Variants in OBSL1 observed in about 807,000 individuals in gnomAD.
OBSL1 encodes obscurin-like protein 1.
A neutral mutation model predicts 172.0 loss-of-function variants in OBSL1; 160 were observed. The observed-to-expected ratio is 0.93, with a 90% confidence interval of 0.82 to 1.06. The LOEUF is 1.06. Among genes scored for constraint, OBSL1 ranks in the 50% least tolerant of loss-of-function variants. The pLI, the probability that OBSL1 is intolerant of heterozygous loss-of-function variation, is 0.00. For missense variants in OBSL1, 2,681 were observed against 2,715.4 expected (o/e 0.99, Z 0.28); for synonymous variants, 1,200 against 1,196.3 (o/e 1.00, Z -0.06).
In OBSL1 at chr2:219,570,414, G is replaced by T. The variant is rs769427156; in HGVS notation, c.819C>A (p.Pro273=). The T allele has an allele frequency of 1.2e-6, 2 of 1,613,266 alleles. No individual in the cohort carries two copies. The highest frequency in any genetic ancestry group is 1.7e-5 in the Admixed American group (1 of 60,020). Residue 273 remains proline (P), a synonymous_variant, in exon 1 of 21, where the codon CCC becomes CCA. Coordinates refer to ENST00000404537, the MANE Select transcript of OBSL1 (RefSeq NM_015311.3). ...AKFRCYVMGK[P]EPEIEWHWEG... ...CCCAGTGCCATTCGATCTCGGGCTC[G>T]GGCTTGCCCATCACGTAGCAGCGGA...
downstream of OBSL1, chr2:219,549,859 A>G (rs761770232): frequency 4.3e-6 from 7 of 1,613,386 alleles, no homozygotes; most frequent in Non-Finnish European, 5.9e-6. Context: ...GTATAGCCAT[A>G]TCTGTCTGTC....
At position 219,570,358 on chromosome 2, in the gene OBSL1, C is replaced by T. The variant is rs1186900128; in HGVS notation, c.875G>A (p.Arg292His). 6.2e-7 allele frequency: 1 copy of T among 1,612,866 alleles called. No homozygotes were observed. The highest frequency in any genetic ancestry group is 8.5e-7 in the Non-Finnish European group (1 of 1,179,534). The change falls in exon 1 of 21, where the codon CGC (arginine) becomes CAC (histidine). Residue 292 changes from arginine (R) to histidine (H), a missense_variant. This residue lies in a region of OBSL1 where 706 missense variants were observed against 695.8 expected (regional missense o/e 1.01). Transcript: ENST00000404537. ...EGRPLLPDRR[R>H]LMYRDRDGGF... ...GCCGTCGCGGTCGCGGTACATGAGG[C>T]GGCGGCGGTCCGGGAGCAGCGGGCG...
At chr2:219,549,956 A>G, downstream of OBSL1, 1 of 1,467,386 alleles carries the variant, frequency 6.8e-7, no homozygotes, top group Non-Finnish European at 9.3e-7. Context: ...CCCTCTCCCC[A>G]GCCTGGAGAG....
intron 8 of OBSL1, among the ~76,000 whole-genome samples, chr2:219,560,552 T>C (rs1273384371): frequency 6.7e-6 from 1 of 148,522 alleles, no homozygotes; most frequent in Non-Finnish European, 1.5e-5. Context: ...TCCATTAGCC[T>C]CTGGCCCCCT....
rs371718828 is a variant in OBSL1, at chr2:219,556,019, C to G, written c.4609+1G>C. 2.5e-6 allele frequency: 4 copies of G among 1,613,168 alleles called. No homozygotes were observed. Among genetic ancestry groups the G allele is most frequent in the Non-Finnish European group, 3.4e-6 (4 of 1,179,800 alleles). On this transcript the variant is annotated splice_donor_variant, in intron 14 of 20. Transcript: ENST00000404537. LOFTEE classifies it high-confidence loss of function. The stretch of plus-strand genomic sequence containing the variant: ...GCATTAAGAGAGGACGGGGCACTCA[C>G]GCCTCACGCTGAGCCTGGCCAGGGT...
Position 219,567,029 on chromosome 2 carries a change from AC to A in OBSL1, c.1934del (p.Gly645ValfsTer28). On this transcript the variant is annotated frameshift_variant, in exon 5 of 21. Coordinates refer to ENST00000404537, the MANE Select transcript of OBSL1 (RefSeq NM_015311.3). LOFTEE classifies it high-confidence loss of function. ...GCTCTTCCCCATTAAGGAACCAGGT[AC>A]CCTGGATGATGGTGGAGAGATCGAG... The part of the protein sequence containing the change: ...FSLDLSTIIQ[G>X]TWFLNGEELK... The A allele has an allele frequency of 6.2e-7, 1 of 1,613,486 alleles. No homozygotes were observed. Among genetic ancestry groups the A allele is most frequent in the South Asian group, 1.1e-5 (1 of 91,058 alleles).
At position 219,570,542 on chromosome 2, in the gene OBSL1, CG is replaced by C; in HGVS notation, c.690del (p.Glu231ArgfsTer27). 5 of 1,603,172 alleles carry C rather than the reference CG, an allele frequency of 3.1e-6. No homozygotes were observed. The highest frequency in any genetic ancestry group is 4.3e-6 in the Non-Finnish European group (5 of 1,175,990). ...TCGTCGGGGTCCGCGGGCGGGCTCT[CG>C]GGGGGCTGGTGCACCTGGAGCAGCG... is the stretch of plus-strand genomic sequence containing the variant. ...AGALLQVHQP[P>X]ESPPADPDEA... On this transcript the variant is annotated frameshift_variant, in exon 1 of 21. Coordinates refer to ENST00000404537, the MANE Select transcript of OBSL1 (RefSeq NM_015311.3). LOFTEE classifies it high-confidence loss of function.
chr2:219,568,119 A>G lies in OBSL1; in HGVS notation c.1218T>C (p.Asp406=), dbSNP rs1697057646. ...RLIIHRLKAD[D]DGIYLCEMRG... ...GCATCTCGCACAGGTAGATACCATC[A>G]TCGTCTGCCTTCAGCCTGTGGATGA... is the stretch of plus-strand genomic sequence containing the variant. The change falls in exon 2 of 21, where the codon GAT becomes GAC. Residue 406 remains aspartate, a synonymous_variant. Coordinates refer to ENST00000404537, the MANE Select transcript of OBSL1 (RefSeq NM_015311.3). The surrounding 1 kb of genome is among the most constrained non-coding windows in gnomAD (Gnocchi z 4.1). 1.2e-6 allele frequency: 2 copies of G among 1,613,688 alleles called. No homozygotes were observed. The highest frequency in any genetic ancestry group is 1.3e-5 in the African/African-American group (1 of 74,930).
At position 219,570,591 on chromosome 2, in the gene OBSL1, C is replaced by A; in HGVS notation, c.642G>T (p.Ala214=). Residue 214 remains alanine (A), a synonymous_variant, in exon 1 of 21, where the codon GCG becomes GCT. Transcript: ENST00000404537. ...GCGCCCCCGCCTGCGCGTGGCCGTG[C>A]GCGTTGCGGGCGTGGCACACGTAGA... ...SGVYVCHARN[A]HGHAQAGALL... 3.3e-6 allele frequency: 5 copies of A among 1,518,024 alleles called. No homozygotes were observed. The South Asian group carries it at 5.0e-5, about 15-fold the overall frequency. The allele number at this position is 1,518,024 out of a possible 1,614,324, so 94.0% of individuals were successfully genotyped here.
At position 219,558,410 on chromosome 2, in the gene OBSL1, A is replaced by T. The variant is rs1385090756; in HGVS notation, c.3276T>A (p.His1092Gln). Residue 1092 changes from histidine (H) to glutamine (Q), a missense_variant, in exon 10 of 21, where the codon CAT (histidine) becomes CAA (glutamine). His to Gln is a conservative substitution (Grantham distance 24). Around this residue, in one of 5 missense-constraint regions of OBSL1, gnomAD observed 1,765 missense variants for 1,748.3 expected, o/e 1.01. Transcript: ENST00000404537. ...VHPAARSLDL[H>Q]FGAPGRVELR... is the part of the protein sequence containing the mutation. ...GCTCCACGCGCCCTGGAGCCCCAAAATGCAGATCCAGGGAGCGGGCTGCCG... is the reference window on the plus strand; with the variant it reads ...GCTCCACGCGCCCTGGAGCCCCAAATTGCAGATCCAGGGAGCGGGCTGCCG... 38 of 1,602,454 alleles carry T rather than the reference A, an allele frequency of 2.4e-5. No individual in the cohort carries two copies. Among genetic ancestry groups the T allele is most frequent in the Non-Finnish European group, 3.1e-5 (37 of 1,175,824 alleles).
chr2:219,562,582 G>A lies in OBSL1; in HGVS notation c.2773C>T (p.Pro925Ser). 6.2e-7 allele frequency: 1 copy of A among 1,612,432 alleles called. No homozygotes were observed. The highest frequency in any genetic ancestry group is 8.5e-7 in the Non-Finnish European group (1 of 1,179,384). The change falls in exon 8 of 21, where the codon CCC becomes TCC. Residue 925 changes from proline to serine, a missense_variant. Physicochemically the swap from Pro to Ser is moderately conservative, Grantham distance 74 (BLOSUM62 -1). This residue lies in a region of OBSL1 where 1,765 missense variants were observed against 1,748.3 expected (regional missense o/e 1.01). Transcript: ENST00000404537. The part of the protein sequence containing the change: ...RVVLTCELCR[P>S]WAEVRWTKDG... Reference sequence around the variant, plus strand: ...TTGGTCCAGCGCACCTCTGCCCAGGGCCGGCATAGCTCACAGGTCAGCACC... The same window carrying A: ...TTGGTCCAGCGCACCTCTGCCCAGGACCGGCATAGCTCACAGGTCAGCACC...
chr2:219,549,297 T>C (rs13023533), downstream of OBSL1: 724,617 of 1,613,674 alleles, frequency 0.45, 165,978 homozygotes, highest in Admixed American at 0.53. Context: ...CACCAGACCC[T>C]GCTTATCGGC....
At chr2:219,555,710 G>A (rs1695947684) in intron 14 of OBSL1, 3 of 1,204,456 alleles carry the variant, frequency 2.5e-6, no homozygotes, top group Non-Finnish European at 3.1e-6. Flanking sequence ...TACTTAAGTG[G>A]GTATGTGTAT....
Position 219,562,548 on chromosome 2 carries a change from T to C in OBSL1, c.2807A>G (p.Glu936Gly). 1 of 1,613,826 alleles carries C rather than the reference T, an allele frequency of 6.2e-7. No homozygotes were observed. Among genetic ancestry groups the C allele is most frequent in the Non-Finnish European group, 8.5e-7 (1 of 1,179,864 alleles). ...CAGCGCGGGGCTCTCCACCACCTCC[T>C]CTCCATCCTTGGTCCAGCGCACCTC... ...WAEVRWTKDG[E>G]EVVESPALLL... is the part of the protein sequence containing the mutation. Residue 936 changes from glutamate (E) to glycine (G), a missense_variant, in exon 8 of 21, where the codon GAG (glutamate) becomes GGG (glycine). Transcript: ENST00000404537.
At chr2:219,547,427 T>C, downstream of OBSL1, 4 of 1,175,956 alleles carry the variant, frequency 3.4e-6, no homozygotes, top group Admixed American at 2.9e-5. Context: ...TGGGATCCCA[T>C]GTCCTTGACC....
rs1437554660 is a variant in OBSL1, at chr2:219,557,502, A to C, written c.3907T>G (p.Tyr1303Asp). Residue 1303 changes from tyrosine (Y) to aspartate (D), a missense_variant, in exon 12 of 21, where the codon TAC becomes GAC. Around this residue, in one of 5 missense-constraint regions of OBSL1, gnomAD observed 1,765 missense variants for 1,748.3 expected, o/e 1.01. Transcript: ENST00000404537. ...LSGPGGPVRW[Y>D]KDGERLASQG... ...CTTGCCAGTCGCTCCCCGTCCTTGT[A>C]CCAGCGTACAGGGCCCCCTGGCCCG... 4 of 1,553,370 alleles carry C rather than the reference A, an allele frequency of 2.6e-6. No individual in the cohort carries two copies. The Admixed American group carries it at 7.8e-5, about 30-fold the overall frequency.
rs200295912 is a variant in OBSL1, at chr2:219,557,643, C to G, written c.3791-25G>C. 3,776 of 1,516,010 alleles carry G rather than the reference C, an allele frequency of 2.5e-3. 23 individuals are homozygous for G. The highest frequency in any genetic ancestry group is 0.015 in the Middle Eastern group (84 of 5,434). 93.9% of individuals were successfully genotyped at this position (1,516,010 alleles called of 1,614,324 possible). A position where few individuals can be genotyped will look rare whatever the true frequency, so the allele number is the denominator to read the frequency against. On this transcript the variant is annotated intron_variant, in intron 11 of 20. Coordinates refer to ENST00000404537, the MANE Select transcript of OBSL1 (RefSeq NM_015311.3). Reference sequence around the variant, plus strand: ...TCTGTGGAGTCAGAGCTGGAGGTCACTGGGAGGGAGAGGCTCAGGGCTTTG... The same window carrying G: ...TCTGTGGAGTCAGAGCTGGAGGTCAGTGGGAGGGAGAGGCTCAGGGCTTTG...
At chr2:219,548,357 A>G (rs1207068698), downstream of OBSL1, among the ~76,000 whole-genome samples, 1 of 152,260 alleles carries the variant, frequency 6.6e-6, no homozygotes. Context: ...CAAGGCAGGC[A>G]GGAGACAGAT....
chr2:219,561,988 T>C, intron 8 of OBSL1: 1 of 717,656 alleles, frequency 1.4e-6, no homozygotes, highest in Non-Finnish European at 2.6e-6. Context: ...TTATTTGAAC[T>C]GTCCTGACTT....
Sources: allele counts gnomAD v4.1 joint callset (sites outside exome capture counted in the v4.1 genomes callset), GRCh38; gene constraint gnomAD v4.1.1; regional missense constraint gnomAD v4.1.1; non-coding constraint Gnocchi (gnomAD v3.1); transcripts MANE v1.5; gene names NCBI Gene and HGNC (gene_info 2026-07-23, HGNC 2026-07-21).